CNTNAP5: variants seen among roughly 807,000 people sequenced by gnomAD.
CNTNAP5 encodes the protein contactin-associated protein-like 5.
A neutral mutation model predicts 150.2 loss-of-function variants in CNTNAP5; 72 were observed. The observed-to-expected ratio is 0.48, with a 90% CI of 0.40 to 0.58. CNTNAP5 has a LOEUF of 0.58. Ranked by LOEUF, CNTNAP5 falls within the 20% of genes least tolerant of loss-of-function variation. CNTNAP5 has a pLI of 0.00. For missense variants in CNTNAP5, 1,636 were observed against 1,626.2 expected, an observed-to-expected ratio of 1.01 and a Z score of -0.10; for synonymous variants, 672 against 619.8, an observed-to-expected ratio of 1.08 and a Z score of -1.25.
chr2:124,903,152 G>T, intron 22 of CNTNAP5, 52 bp downstream of exon 22: 1 of 1,191,686 alleles, frequency 8.4e-7, no homozygotes, highest in Non-Finnish European at 1.1e-6. Flanking sequence ...ACTACTTTTT[G>T]TGTCTTCAAG....
intron 19 of CNTNAP5, among the ~76,000 whole-genome samples, chr2:124,808,575 G>C (rs1340028631): frequency 1.4e-5 from 2 of 147,592 alleles, no homozygotes; most frequent in Non-Finnish European, 3.0e-5. Flanking sequence ...GTGACAGAGA[G>C]AGACTTGGTC....
At chr2:124,073,208 A>G (rs986714156) in intron 1 of CNTNAP5, among the ~76,000 whole-genome samples, 6 of 152,066 alleles carry the variant, frequency 3.9e-5, no homozygotes, top group South Asian at 2.1e-4. Context: ...AAAAAATCCA[A>G]TCAAAATGAA....
At chr2:124,115,792 T>TGTGTGTG (rs1553438649) in intron 1 of CNTNAP5, among the ~76,000 whole-genome samples, 2 of 138,206 alleles carry the variant, frequency 1.4e-5, no homozygotes, top group African/African-American at 5.4e-5. Context: ...GCCTGGCTAA[T>TGTGTGTG]TGTGTGTGTG....
chr2:124,846,446 A>G (rs1394854404), intron 19 of CNTNAP5, among the ~76,000 whole-genome samples: 1 of 151,914 alleles, frequency 6.6e-6, no homozygotes, highest in Non-Finnish European at 1.5e-5. Context: ...TTTACTGTCT[A>G]TTTCACTGAG....
At chr2:124,364,823 C>A (rs529268811) in intron 3 of CNTNAP5, among the ~76,000 whole-genome samples, 1 of 152,094 alleles carries the variant, frequency 6.6e-6, no homozygotes, top group Non-Finnish European at 1.5e-5. Context: ...GAGGATAATA[C>A]AGTAGAGCTT....
intron 13 of CNTNAP5, among the ~76,000 whole-genome samples, chr2:124,739,739 A>G (rs567027047): frequency 1.8e-4 from 27 of 152,288 alleles, no homozygotes; most frequent in African/African-American, 6.5e-4. Flanking sequence ...ACTTTGTCGA[A>G]GTCCTCCTCA....
intron 13 of CNTNAP5, among the ~76,000 whole-genome samples, chr2:124,669,102 T>C (rs1399370406): frequency 1.3e-5 from 2 of 152,292 alleles, no homozygotes; most frequent in Middle Eastern, 3.4e-3. Flanking sequence ...TTTTATGTGG[T>C]TCATATTTTA....
chr2:124,826,929 T>C (rs1046291122), intron 19 of CNTNAP5, among the ~76,000 whole-genome samples: 2 of 152,060 alleles, frequency 1.3e-5, no homozygotes, highest in Admixed American at 1.3e-4. Flanking sequence ...TTTTCTTTCT[T>C]TTTTTTCTTG....
At chr2:124,335,783 C>T (rs1222314621) in intron 3 of CNTNAP5, among the ~76,000 whole-genome samples, 1 of 151,886 alleles carries the variant, frequency 6.6e-6, no homozygotes, top group Non-Finnish European at 1.5e-5. Context: ...GTTTTCTCAA[C>T]TGTAGTTTCA....
At chr2:124,195,620 C>T (rs572235264) in intron 1 of CNTNAP5, among the ~76,000 whole-genome samples, 262 of 151,788 alleles carry the variant, frequency 1.7e-3, no homozygotes, top group African/African-American at 6.1e-3. Context: ...ATATTAAATA[C>T]ACACACACAC....
chr2:124,314,981 A>G lies in CNTNAP5; in HGVS notation c.381+72588A>G, dbSNP rs115961883. On this transcript the variant is annotated intron_variant, in intron 3 of 23. Coordinates refer to ENST00000682447, the MANE Select transcript of CNTNAP5 (RefSeq NM_001367498.1). ...AGTATATAATGCATACATCAAACAA[A>G]CAAGCCTTTTTTTTTTTTGATGGGG... Among the ~76,000 whole-genome samples the G allele has an allele frequency of 2.8e-3, 403 of 143,304 alleles. 4 individuals carry two copies. The highest frequency in any genetic ancestry group is 0.01 in the African/African-American group (374 of 36,228). 94.0% of individuals were successfully genotyped at this position (143,304 alleles called of 152,430 possible). A position where few individuals can be genotyped will look rare whatever the true frequency, so the allele number is the denominator to read the frequency against.
At chr2:124,575,109 G>C (rs758560921) in intron 11 of CNTNAP5, among the ~76,000 whole-genome samples, 1 of 152,076 alleles carries the variant, frequency 6.6e-6, no homozygotes, top group Non-Finnish European at 1.5e-5. Flanking sequence ...AGGCAAGTAC[G>C]CTTTAATGTA....
intron 10 of CNTNAP5, among the ~76,000 whole-genome samples, chr2:124,530,310 AAAAT>A (rs1462045796): frequency 6.6e-6 from 1 of 152,154 alleles, no homozygotes; most frequent in Non-Finnish European, 1.5e-5. Flanking sequence ...ACTCCGTCTA[AAAAT>A]AAATAAATAC....
At chr2:124,132,664 C>G (rs1683880570) in intron 1 of CNTNAP5, among the ~76,000 whole-genome samples, 1 of 152,070 alleles carries the variant, frequency 6.6e-6, no homozygotes. Context: ...ACAATATTAT[C>G]AATAGCTAAT....
intron 16 of CNTNAP5, among the ~76,000 whole-genome samples, chr2:124,771,051 T>C (rs1681181059): frequency 6.6e-6 from 1 of 152,144 alleles, no homozygotes; most frequent in Non-Finnish European, 1.5e-5. Context: ...AGCAAAAGAA[T>C]TCGAGCTCTC....
intron 3 of CNTNAP5, among the ~76,000 whole-genome samples, chr2:124,264,880 G>A (rs530812703): frequency 4.6e-5 from 7 of 152,308 alleles, no homozygotes; most frequent in Admixed American, 1.3e-4. Context: ...GCATGGGCAC[G>A]TGTATCTGAG....
chr2:124,894,719 A>G (rs1357512769), intron 21 of CNTNAP5, among the ~76,000 whole-genome samples: 1 of 150,934 alleles, frequency 6.6e-6, no homozygotes, highest in Non-Finnish European at 1.5e-5. Context: ...ACACCTGCCT[A>G]ATTTTAAAAT....
intron 7 of CNTNAP5, among the ~76,000 whole-genome samples, chr2:124,499,061 A>T (rs1558928496): frequency 6.6e-6 from 1 of 152,176 alleles, no homozygotes; most frequent in African/African-American, 2.4e-5. Flanking sequence ...TGCTAGATAC[A>T]TTGCACGTGG....
intron 3 of CNTNAP5, among the ~76,000 whole-genome samples, chr2:124,389,705 G>A (rs1332085044): frequency 6.6e-6 from 1 of 152,176 alleles, no homozygotes; most frequent in Non-Finnish European, 1.5e-5. Context: ...AGTGGCTCAT[G>A]CCTGTAATCC....
Sources: gnomAD v4.1 joint callset for allele counts (sites outside exome capture counted in the v4.1 genomes callset) on GRCh38, gnomAD v4.1.1 for gene constraint, MANE v1.5 for transcripts, NCBI Gene and HGNC (gene_info 2026-07-23, HGNC 2026-07-21) for gene names.